The following NRG3 variants were observed in gnomAD, a reference collection of about 807,000 sequenced individuals.
NRG3 encodes the protein neuregulin 3, also known as pro-neuregulin-3, membrane-bound isoform.
NRG3 carries 31 observed loss-of-function variants against 66.9 expected under a neutral mutation model. The ratio of observed to expected loss-of-function variants is 0.46; its 90% CI spans 0.35 to 0.63. The LOEUF is 0.63. NRG3 is among the 20% of genes least tolerant of loss of function. The pLI is 0.00. For missense variants in NRG3, 910 were observed against 878.9 expected (o/e 1.04, Z -0.45); for synonymous variants, 393 against 359.4 (o/e 1.09, Z -1.06).
intron 3 of NRG3, among the ~76,000 whole-genome samples, chr10:82,802,147 A>T (rs925732028): frequency 1.3e-5 from 2 of 152,316 alleles, no homozygotes; most frequent in South Asian, 4.1e-4. Flanking sequence ...CTTTACTCTA[A>T]TACTTTTGTG....
chr10:81,878,497 T>A (rs1320400121), intron 1 of NRG3, among the ~76,000 whole-genome samples: 3 of 152,178 alleles, frequency 2.0e-5, no homozygotes, highest in African/African-American at 7.2e-5. Flanking sequence ...TCATCCAAGA[T>A]TGCAGGATGA....
chr10:82,619,165 A>G (rs1371398619), intron 2 of NRG3, among the ~76,000 whole-genome samples: 1 of 152,144 alleles, frequency 6.6e-6, no homozygotes, highest in East Asian at 1.9e-4. Flanking sequence ...CTTTAATGTA[A>G]GTTAGAGAAA....
intron 2 of NRG3, among the ~76,000 whole-genome samples, chr10:82,601,364 A>G (rs1483662540): frequency 2.0e-5 from 3 of 152,204 alleles, no homozygotes; most frequent in Non-Finnish European, 2.9e-5. Flanking sequence ...AATGTTGAAT[A>G]TAGGTTTCCA....
chr10:82,720,805 TTATACATATATATATATATA>T (rs2057254824), intron 2 of NRG3, among the ~76,000 whole-genome samples: 1 of 63,490 alleles, frequency 1.6e-5, no homozygotes, highest in African/African-American at 7.3e-5. Context: ...TAGGAGTATT[TTATACATATATATATATATA>T]TATATATATA....
intron 2 of NRG3, among the ~76,000 whole-genome samples, chr10:82,733,983 G>C (rs1407912787): frequency 1.3e-5 from 2 of 152,186 alleles, no homozygotes; most frequent in African/African-American, 4.8e-5. Flanking sequence ...GATCATTTCT[G>C]TGGGAACATC....
chr10:82,674,224 A>G (rs565151480), intron 2 of NRG3, among the ~76,000 whole-genome samples: 1 of 152,230 alleles, frequency 6.6e-6, no homozygotes, highest in Non-Finnish European at 1.5e-5. Context: ...AAGAGAACTC[A>G]ATATGGAATT....
Position 82,704,118 on chromosome 10 carries a change from G to A in NRG3, c.954-34459G>A, listed in dbSNP as rs376034076. Among the ~76,000 whole-genome samples the A allele has an allele frequency of 2.6e-5, 4 of 152,060 alleles. No individual in the cohort carries two copies. In the East Asian group the frequency reaches 7.7e-4, roughly 29 times the overall value. ...TACAAAATTTCAACTTCTATCATTT[G>A]TTCCTTCCTTTAAGTCTCTGTGCTT... is the stretch of plus-strand genomic sequence containing the variant. On this transcript the variant is annotated intron_variant, in intron 2 of 8. Transcript: ENST00000372141.
intron 4 of NRG3, among the ~76,000 whole-genome samples, chr10:82,874,405 T>G (rs1457136601): frequency 6.7e-6 from 1 of 149,422 alleles, no homozygotes; most frequent in Non-Finnish European, 1.5e-5. Flanking sequence ...TCTTTTTTCC[T>G]AAGCTGAAGT....
chr10:82,912,779 T>C lies in NRG3; in HGVS notation c.1055-38690T>C, dbSNP rs557047300. 3.3e-5 allele frequency among the ~76,000 whole-genome samples: 5 copies of C among 152,296 alleles called. No individual in the cohort carries two copies. The South Asian group carries it at 1.0e-3, about 32-fold the overall frequency. ...TCATTTTTGGATCTAATTAAGTATT[T>C]TATATGATGGTATTTTATCTTCTCT... On this transcript the variant is annotated intron_variant, in intron 4 of 8. Coordinates refer to ENST00000372141, the MANE Select transcript of NRG3 (RefSeq NM_001010848.4).
chr10:82,949,146 A>G (rs1208163262), intron 4 of NRG3, among the ~76,000 whole-genome samples: 1 of 152,162 alleles, frequency 6.6e-6, no homozygotes, highest in Non-Finnish European at 1.5e-5. Flanking sequence ...TAGTTGTTAA[A>G]TTATCTGCTT....
intron 1 of NRG3, among the ~76,000 whole-genome samples, chr10:82,105,915 T>C (rs1017538063): frequency 6.6e-6 from 1 of 152,198 alleles, no homozygotes; most frequent in Non-Finnish European, 1.5e-5. Context: ...AAGCCTTATG[T>C]CATATTTAAT....
chr10:82,320,393 A>G (rs976039675), intron 1 of NRG3, among the ~76,000 whole-genome samples: 1 of 152,126 alleles, frequency 6.6e-6, no homozygotes, highest in South Asian at 2.1e-4. Context: ...GAGACAGAGA[A>G]AAGCCATTTT....
intron 1 of NRG3, among the ~76,000 whole-genome samples, chr10:82,083,413 C>T (rs749936078): frequency 6.6e-6 from 1 of 152,032 alleles, no homozygotes; most frequent in Non-Finnish European, 1.5e-5. Flanking sequence ...CATGAGCTTA[C>T]AGCATTCCTT....
chr10:82,645,834 T>A (rs2050892189), intron 2 of NRG3, among the ~76,000 whole-genome samples: 1 of 152,130 alleles, frequency 6.6e-6, no homozygotes, highest in Admixed American at 6.6e-5. Context: ...TTCTATGTTT[T>A]CTTTTTTTAA....
In NRG3 at chr10:82,345,330, C is replaced by T. The variant is rs542253680; in HGVS notation, c.824-13409C>T. ...ATTTATTAAATAGGGAATCCTTTCT[C>T]CATTGCTTGTTTTTGTCAGGTTTGT... On this transcript the variant is annotated intron_variant, in intron 1 of 8. Coordinates refer to ENST00000372141, the MANE Select transcript of NRG3 (RefSeq NM_001010848.4). Among the ~76,000 whole-genome samples the T allele has an allele frequency of 7.7e-3, 1,150 of 148,428 alleles. 18 individuals carry two copies. The highest frequency in any genetic ancestry group is 0.028 in the African/African-American group (1,064 of 38,494).
intron 3 of NRG3, among the ~76,000 whole-genome samples, chr10:82,858,417 C>A (rs909034644): frequency 8.5e-5 from 13 of 152,146 alleles, no homozygotes; most frequent in African/African-American, 3.1e-4. Flanking sequence ...CTTGTCCATA[C>A]TCTTATCTCG....
intron 3 of NRG3, among the ~76,000 whole-genome samples, chr10:82,772,039 T>C (rs1426735223): frequency 2.6e-5 from 4 of 152,198 alleles, no homozygotes; most frequent in African/African-American, 9.6e-5. Context: ...GGATTATGAA[T>C]ATTGTCTCCC....
intron 1 of NRG3, among the ~76,000 whole-genome samples, chr10:82,311,169 G>A (rs2081004662): frequency 6.6e-6 from 1 of 152,104 alleles, no homozygotes; most frequent in Non-Finnish European, 1.5e-5. Context: ...GCTGGTTACT[G>A]ATAAGGTATT....
intron 1 of NRG3, among the ~76,000 whole-genome samples, chr10:82,113,923 C>T (rs2067537696): frequency 6.6e-6 from 1 of 152,092 alleles, no homozygotes; most frequent in South Asian, 2.1e-4. Flanking sequence ...GTAACAATCA[C>T]TTCTTATTTA....
Sources: gnomAD v4.1 joint callset for allele counts (sites outside exome capture counted in the v4.1 genomes callset) on GRCh38, gnomAD v4.1.1 for gene constraint, MANE v1.5 for transcripts, NCBI Gene and HGNC (gene_info 2026-07-23, HGNC 2026-07-21) for gene names.